Variants in RGS6 observed in about 807,000 individuals in gnomAD.
The protein encoded by RGS6 is regulator of G protein signaling 6, also known as regulator of G-protein signaling 6.
A neutral mutation model predicts 78.5 loss-of-function variants in RGS6; 30 were observed. The observed-to-expected ratio is 0.38, with a 90% CI of 0.29 to 0.52. RGS6 has a LOEUF of 0.52. RGS6 is among the 20% of genes least tolerant of loss of function. RGS6 has a pLI of 0.85. For missense variants in RGS6, 495 were observed against 609.7 expected (o/e 0.81, Z 1.98); for synonymous variants, 206 against 206.0 (o/e 1.00, Z 0.00).
chr14:72,158,302 TTTC>T (rs1011424861), intron 2 of RGS6, among the ~76,000 whole-genome samples: 7 of 152,124 alleles, frequency 4.6e-5, no homozygotes, highest in African/African-American at 1.7e-4. Flanking sequence ...TGTGTCCGAA[TTTC>T]TTCTTCTCGT....
chr14:72,586,481 C>G, the RGS6 span, among the ~76,000 whole-genome samples: 22 of 152,316 alleles, frequency 1.4e-4, no homozygotes, highest in East Asian at 3.3e-3. Context: ...TGTCATGCTT[C>G]TTGTACAGCC....
chr14:72,259,291 A>G (rs1520326), intron 2 of RGS6, among the ~76,000 whole-genome samples: 83,672 of 152,026 alleles, frequency 0.55, 23,325 homozygotes, highest in African/African-American at 0.63. Context: ...ACTATATATC[A>G]AAATTAATTG....
chr14:72,372,901 A>G (rs1366971469), intron 3 of RGS6, among the ~76,000 whole-genome samples: 15 of 152,220 alleles, frequency 9.9e-5, no homozygotes, highest in Admixed American at 9.8e-4. Context: ...ATATGAACTG[A>G]GACTCTTGAG....
At chr14:72,070,211 T>C (rs914289548) in intron 2 of RGS6, among the ~76,000 whole-genome samples, 1 of 152,208 alleles carries the variant, frequency 6.6e-6, no homozygotes, top group South Asian at 2.1e-4. Context: ...AATTTTCCAC[T>C]GTGAGCTGTT....
intron 2 of RGS6, among the ~76,000 whole-genome samples, chr14:72,333,158 CCTT>C (rs34856491): frequency 0.035 from 5,325 of 152,306 alleles, 152 homozygotes; most frequent in Middle Eastern, 0.12. Context: ...CTCATCTATC[CCTT>C]CTTGGGAATG....
chr14:71,951,349 C>A (rs1394111024), intron 1 of RGS6, among the ~76,000 whole-genome samples: 1 of 151,834 alleles, frequency 6.6e-6, no homozygotes, highest in South Asian at 2.1e-4. Flanking sequence ...AAGTGGGAAC[C>A]AAACAATGAG....
chr14:72,401,797 G>A (rs1265379844), intron 3 of RGS6, among the ~76,000 whole-genome samples: 1 of 152,188 alleles, frequency 6.6e-6, no homozygotes. Context: ...ACTCAGAAAA[G>A]ATTGGAGTCT....
chr14:72,315,796 G>A (rs758230262), intron 2 of RGS6, among the ~76,000 whole-genome samples: 4 of 152,188 alleles, frequency 2.6e-5, no homozygotes, highest in Admixed American at 6.5e-5. Flanking sequence ...GAGCCACATG[G>A]GCTAGGAAGA....
intron 10 of RGS6, among the ~76,000 whole-genome samples, chr14:72,475,449 G>T (rs955783019): frequency 6.6e-6 from 1 of 152,182 alleles, no homozygotes; most frequent in East Asian, 1.9e-4. Context: ...CCAAAGAGTG[G>T]GCCAGGTACG....
At chr14:72,464,544 T>C (rs2095854922) in intron 6 of RGS6, 1 of 152,222 alleles carries the variant, frequency 6.6e-6, no homozygotes, top group Non-Finnish European at 1.5e-5. Context: ...AAGAGTTGAC[T>C]AGAGATCTCT....
chr14:71,988,012 T>C (rs1344218766), intron 2 of RGS6, among the ~76,000 whole-genome samples: 2 of 152,096 alleles, frequency 1.3e-5, no homozygotes, highest in African/African-American at 4.8e-5. Flanking sequence ...TGCCAAGGCC[T>C]CTCTTTCCGT....
intron 1 of RGS6, among the ~76,000 whole-genome samples, chr14:71,951,366 T>C (rs2092301009): frequency 6.6e-6 from 1 of 151,240 alleles, no homozygotes; most frequent in Non-Finnish European, 1.5e-5. Context: ...TGAGAACCTG[T>C]AGAGAGAGGG....
At chr14:72,350,101 C>T (rs1486413969) in intron 2 of RGS6, among the ~76,000 whole-genome samples, 1 of 152,192 alleles carries the variant, frequency 6.6e-6, no homozygotes, top group Non-Finnish European at 1.5e-5. Context: ...TGGGATAAAA[C>T]TCCCTCTTCA....
chr14:72,038,620 A>T (rs1596441307), intron 2 of RGS6, among the ~76,000 whole-genome samples: 1 of 152,104 alleles, frequency 6.6e-6, no homozygotes, highest in African/African-American at 2.4e-5. Flanking sequence ...TATTTATTAG[A>T]TTTATATGTA....
In RGS6 at chr14:72,427,629, C is replaced by T. The variant is rs149046114; in HGVS notation, c.185-26899C>T. On this transcript the variant is annotated intron_variant, in intron 3 of 17. Transcript: ENST00000553525. Reference sequence around the variant, plus strand: ...GGGATGGAGGAGTCTTGCTTATCATCTCTCTATTTTTGTTAACTCCTCCTC... The same window carrying T: ...GGGATGGAGGAGTCTTGCTTATCATTTCTCTATTTTTGTTAACTCCTCCTC... 8.4e-3 allele frequency among the ~76,000 whole-genome samples: 1,272 copies of T among 152,220 alleles called. 9 individuals carry two copies. The highest frequency in any genetic ancestry group is 0.037 in the Middle Eastern group (11 of 294).
chr14:72,036,165 G>T (rs2091666373), intron 2 of RGS6, among the ~76,000 whole-genome samples: 1 of 150,332 alleles, frequency 6.7e-6, no homozygotes, highest in African/African-American at 2.5e-5. Context: ...TCTGCATAAT[G>T]CCTCGAAGAC....
intron 17 of RGS6, among the ~76,000 whole-genome samples, chr14:72,560,796 ACGTG>A (rs1191865682): frequency 6.0e-5 from 5 of 83,314 alleles, no homozygotes; most frequent in African/African-American, 2.1e-4. Context: ...GATTTTGTGG[ACGTG>A]TGTGTGTGTG....
At chr14:72,241,613 T>G (rs1274064105) in intron 2 of RGS6, among the ~76,000 whole-genome samples, 1 of 152,236 alleles carries the variant, frequency 6.6e-6, no homozygotes, top group Non-Finnish European at 1.5e-5. Context: ...ATTTTACCCC[T>G]TAACATTTGA....
At chr14:72,584,363 A>T in the RGS6 span, among the ~76,000 whole-genome samples, 1 of 152,238 alleles carries the variant, frequency 6.6e-6, no homozygotes, top group Non-Finnish European at 1.5e-5. Flanking sequence ...GAAGACAGAG[A>T]GATAAACACA....
Sources: gnomAD v4.1 joint callset for allele counts (sites outside exome capture counted in the v4.1 genomes callset) on GRCh38, gnomAD v4.1.1 for gene constraint, MANE v1.5 for transcripts, NCBI Gene and HGNC (gene_info 2026-07-23, HGNC 2026-07-21) for gene names.